SMYD3: variants seen among roughly 807,000 people sequenced by gnomAD.
SMYD3 encodes the protein histone-lysine N-methyltransferase SMYD3.
A neutral mutation model predicts 57.7 loss-of-function variants in SMYD3; 36 were observed. That is an observed-to-expected ratio of 0.62 (90% CI 0.48 to 0.82). The LOEUF is 0.82. SMYD3 is among the 40% of genes least tolerant of loss of function. The pLI is 0.00. For synonymous variants in SMYD3, 211 were observed against 195.0 expected (o/e 1.08, Z -0.68); for missense variants, 515 against 538.8 (o/e 0.96, Z 0.44).
chr1:246,047,784 G>A (rs1392616700), intron 5 of SMYD3, among the ~76,000 whole-genome samples: 2 of 151,878 alleles, frequency 1.3e-5, no homozygotes, highest in Admixed American at 1.3e-4. Context: ...AGGCTACAGT[G>A]AGCCATGATC....
chr1:246,165,173 G>C (rs183658449), intron 5 of SMYD3, among the ~76,000 whole-genome samples: 2 of 152,210 alleles, frequency 1.3e-5, no homozygotes, highest in Non-Finnish European at 2.9e-5. Context: ...GCTGCTCATC[G>C]CAACTACAGC....
intron 11 of SMYD3, among the ~76,000 whole-genome samples, chr1:245,762,869 C>A (rs913013089): frequency 1.3e-5 from 2 of 152,210 alleles, no homozygotes; most frequent in Non-Finnish European, 2.9e-5. Flanking sequence ...CTCTTCTGCA[C>A]ACAAGGGCAT....
chr1:245,981,234 C>T (rs1246182416), intron 5 of SMYD3, among the ~76,000 whole-genome samples: 1 of 152,232 alleles, frequency 6.6e-6, no homozygotes, highest in Non-Finnish European at 1.5e-5. Flanking sequence ...GTGCCAACAG[C>T]ACACAGTGCT....
At chr1:246,430,254 G>A (rs1383538070) in intron 1 of SMYD3, among the ~76,000 whole-genome samples, 1 of 152,224 alleles carries the variant, frequency 6.6e-6, no homozygotes, top group African/African-American at 2.4e-5. Flanking sequence ...CAGGGGCTCA[G>A]AAAAAGGAAA....
chr1:246,253,392 A>C (rs1326888292), intron 5 of SMYD3, among the ~76,000 whole-genome samples: 1 of 152,188 alleles, frequency 6.6e-6, no homozygotes, highest in Non-Finnish European at 1.5e-5. Context: ...TTCCCGTATT[A>C]ATTCACTTAG....
chr1:246,130,655 T>G (rs889910407), intron 5 of SMYD3, among the ~76,000 whole-genome samples: 6 of 152,194 alleles, frequency 3.9e-5, no homozygotes, highest in Admixed American at 3.9e-4. Context: ...CTGTTTGGAT[T>G]AAAAGCAGTA....
intron 1 of SMYD3, among the ~76,000 whole-genome samples, chr1:246,425,422 G>A (rs754946819): frequency 6.6e-6 from 1 of 152,056 alleles, no homozygotes; most frequent in African/African-American, 2.4e-5. Flanking sequence ...TCCTTGGAAC[G>A]CCACTGTAAC....
chr1:245,991,700 G>A (rs1019766908), intron 5 of SMYD3, among the ~76,000 whole-genome samples: 19 of 152,238 alleles, frequency 1.2e-4, no homozygotes, highest in East Asian at 3.8e-4. Flanking sequence ...CAAGTGACCC[G>A]AGAGAGAGAT....
chr1:245,820,607 C>A (rs1223791473), intron 10 of SMYD3, among the ~76,000 whole-genome samples: 1 of 152,158 alleles, frequency 6.6e-6, no homozygotes, highest in African/African-American at 2.4e-5. Flanking sequence ...GTCAAATTGT[C>A]CCTGTTTGCA....
At chr1:245,898,997 G>C (rs2054012752) in intron 8 of SMYD3, among the ~76,000 whole-genome samples, 1 of 152,130 alleles carries the variant, frequency 6.6e-6, no homozygotes, top group Non-Finnish European at 1.5e-5. Flanking sequence ...CTGTAAATAT[G>C]CAAATTATAC....
chr1:245,905,335 C>T (rs1029883570), intron 8 of SMYD3, among the ~76,000 whole-genome samples: 10 of 152,086 alleles, frequency 6.6e-5, no homozygotes, highest in Admixed American at 2.0e-4. Context: ...TGCCTTCGGC[C>T]GGAGGGCAGT....
chr1:246,203,517 T>C lies in SMYD3; in HGVS notation c.531+123684A>G, dbSNP rs1387173930. Among the ~76,000 whole-genome samples, 1 of 152,228 alleles carries C rather than the reference T, an allele frequency of 6.6e-6. No homozygotes were observed. The highest frequency in any genetic ancestry group is 1.5e-5 in the Non-Finnish European group (1 of 68,038). On this transcript the variant is annotated intron_variant, in intron 5 of 11. Transcript: ENST00000490107. The surrounding 1 kb of genome is among the most constrained non-coding windows in gnomAD (Gnocchi z 4.6). ...GGTTTGGTTTCCTCCGAGCCCTCTC[T>C]GGCTGGAGGAGCCACTGTCTTGCTG...
intron 7 of SMYD3, among the ~76,000 whole-genome samples, chr1:245,923,715 G>T (rs1459885215): frequency 6.6e-6 from 1 of 152,060 alleles, no homozygotes; most frequent in Non-Finnish European, 1.5e-5. Flanking sequence ...CTAATCACTC[G>T]AGTGCTCCTG....
At chr1:245,800,398 C>T (rs1452658273) in intron 10 of SMYD3, among the ~76,000 whole-genome samples, 1 of 151,940 alleles carries the variant, frequency 6.6e-6, no homozygotes, top group African/African-American at 2.4e-5. Context: ...AGAGTGTAAA[C>T]TGTCTAGTGA....
intron 5 of SMYD3, among the ~76,000 whole-genome samples, chr1:246,319,316 T>C (rs1193320660): frequency 6.6e-6 from 1 of 152,176 alleles, no homozygotes; most frequent in African/African-American, 2.4e-5. Flanking sequence ...CATGTAGCAG[T>C]CACCACCACA....
At chr1:245,952,851 C>G (rs544996070) in intron 5 of SMYD3, among the ~76,000 whole-genome samples, 1 of 152,286 alleles carries the variant, frequency 6.6e-6, no homozygotes, top group Non-Finnish European at 1.5e-5. Flanking sequence ...CACATACCCT[C>G]AAGTGCATAC....
intron 10 of SMYD3, among the ~76,000 whole-genome samples, chr1:245,783,713 C>T (rs1392984983): frequency 1.3e-5 from 2 of 152,010 alleles, no homozygotes; most frequent in African/African-American, 4.8e-5. Flanking sequence ...CAAACTCAAC[C>T]CACGTAAATT....
At chr1:246,501,188 C>T (rs1210467144) in intron 1 of SMYD3, among the ~76,000 whole-genome samples, 2 of 152,188 alleles carry the variant, frequency 1.3e-5, no homozygotes, top group East Asian at 3.9e-4. Flanking sequence ...ACAAAATCAG[C>T]CGTAAACCCA....
At chr1:246,009,805 CT>C (rs74163100) in intron 5 of SMYD3, among the ~76,000 whole-genome samples, 1,539 of 75,586 alleles carry the variant, frequency 0.02, 14 homozygotes, top group African/African-American at 0.038. Flanking sequence ...CATGTAAGAT[CT>C]TTTTTTTTTT....
Sources: gnomAD v4.1 joint callset for allele counts (sites outside exome capture counted in the v4.1 genomes callset) on GRCh38, gnomAD v4.1.1 for gene constraint, Gnocchi (gnomAD v3.1) non-coding constraint, MANE v1.5 for transcripts, NCBI Gene and HGNC (gene_info 2026-07-23, HGNC 2026-07-21) for gene names.